GPC6: variants seen among roughly 807,000 people sequenced by gnomAD.
GPC6 encodes glypican-6.
GPC6 carries 14 observed loss-of-function variants against 55.2 expected under a neutral mutation model. That is an observed-to-expected ratio of 0.25 (90% CI 0.17 to 0.40). The LOEUF (loss-of-function observed/expected upper bound fraction) is 0.40. Ranked by LOEUF, GPC6 falls within the 10% of genes least tolerant of loss-of-function variation. The pLI is 1.00. For missense variants in GPC6, 641 were observed against 708.5 expected (o/e 0.90, Z 1.08); for synonymous variants, 278 against 259.6 (o/e 1.07, Z -0.68).
intron 3 of GPC6, among the ~76,000 whole-genome samples, chr13:93,949,488 G>T (rs911655176): frequency 5.3e-5 from 8 of 152,062 alleles, no homozygotes; most frequent in Non-Finnish European, 1.0e-4. Flanking sequence ...GGATCCCCAA[G>T]TTCACAATAA....
At chr13:93,511,635 T>A (rs1880979305) in intron 1 of GPC6, among the ~76,000 whole-genome samples, 3 of 152,082 alleles carry the variant, frequency 2.0e-5, no homozygotes, top group South Asian at 4.1e-4. Flanking sequence ...TTCTTTTTGC[T>A]AAGGATTGCT....
At chr13:93,357,930 G>A (rs1880908401) in intron 1 of GPC6, among the ~76,000 whole-genome samples, 3 of 152,208 alleles carry the variant, frequency 2.0e-5, no homozygotes, top group Admixed American at 1.3e-4. Context: ...TTATGCATGT[G>A]TATCTTTGAA....
At chr13:94,266,118 T>C (rs1334817697) in intron 4 of GPC6, among the ~76,000 whole-genome samples, 6 of 151,720 alleles carry the variant, frequency 4.0e-5, no homozygotes, top group Non-Finnish European at 7.4e-5. Flanking sequence ...TGTCTCCTTG[T>C]TTTCTCGTTT....
intron 1 of GPC6, among the ~76,000 whole-genome samples, chr13:93,382,583 G>A (rs1308746443): frequency 1.3e-5 from 2 of 152,226 alleles, no homozygotes; most frequent in African/African-American, 4.8e-5. Context: ...CTAAGGAAAA[G>A]GAAATATCTG....
intron 6 of GPC6, among the ~76,000 whole-genome samples, chr13:94,335,057 A>C (rs1389247462): frequency 1.3e-5 from 2 of 152,190 alleles, no homozygotes; most frequent in Admixed American, 6.5e-5. Flanking sequence ...CATGACTCTC[A>C]GTCCAGGAGT....
intron 1 of GPC6, among the ~76,000 whole-genome samples, chr13:93,359,496 A>G (rs574878858): frequency 6.9e-4 from 105 of 152,312 alleles, no homozygotes; most frequent in African/African-American, 2.5e-3. Flanking sequence ...AAATAAAATT[A>G]TATATGTATA....
Position 94,161,777 on chromosome 13 carries a change from A to G in GPC6, c.878-124572A>G, listed in dbSNP as rs75266870. 3.4e-4 allele frequency among the ~76,000 whole-genome samples: 52 copies of G among 152,292 alleles called. No homozygotes were observed. The East Asian group carries it at 7.1e-3, about 21-fold the overall frequency. ...CTGGCTTTCATAATTGTATTAGTCC[A>G]TTTTCACACTGCTGATAAACGCATA... On this transcript the variant is annotated intron_variant, in intron 4 of 8. Coordinates refer to ENST00000377047, the MANE Select transcript of GPC6 (RefSeq NM_005708.5).
chr13:93,575,565 G>A (rs1010112952), intron 2 of GPC6, among the ~76,000 whole-genome samples: 1 of 152,112 alleles, frequency 6.6e-6, no homozygotes, highest in African/African-American at 2.4e-5. Flanking sequence ...CTTTGAAAAT[G>A]ACTGTATTAA....
Position 93,846,737 on chromosome 13 carries a change from C to T in GPC6, c.711+16192C>T, listed in dbSNP as rs548064752. Reference sequence around the variant, plus strand: ...ACTGAGGCAGAAGAATCACTTGAACCGGGGAGACGGAGGTTGCAGTGAGCT... The same window carrying T: ...ACTGAGGCAGAAGAATCACTTGAACTGGGGAGACGGAGGTTGCAGTGAGCT... On this transcript the variant is annotated intron_variant, in intron 3 of 8. Transcript: ENST00000377047. 2.0e-4 allele frequency among the ~76,000 whole-genome samples: 31 copies of T among 152,146 alleles called. No individual in the cohort carries two copies. In the South Asian group the frequency reaches 3.3e-3, roughly 16 times the overall value.
At chr13:94,368,447 A>G (rs1466169049) in intron 6 of GPC6, among the ~76,000 whole-genome samples, 2 of 152,202 alleles carry the variant, frequency 1.3e-5, no homozygotes, top group African/African-American at 2.4e-5. Context: ...TCCACCAAGC[A>G]TTACAAAACC....
chr13:93,949,501 G>A (rs780056715), intron 3 of GPC6, among the ~76,000 whole-genome samples: 4 of 152,112 alleles, frequency 2.6e-5, no homozygotes, highest in Non-Finnish European at 4.4e-5. Flanking sequence ...CACAATAAAT[G>A]TGTATATTAT....
chr13:93,537,587 T>G (rs879377480), intron 1 of GPC6, among the ~76,000 whole-genome samples: 1 of 152,112 alleles, frequency 6.6e-6, no homozygotes, highest in Non-Finnish European at 1.5e-5. Flanking sequence ...GAAATTATAA[T>G]AGTAAAGAAA....
chr13:93,893,094 T>G (rs1737988009), intron 3 of GPC6, among the ~76,000 whole-genome samples: 1 of 150,496 alleles, frequency 6.6e-6, no homozygotes, highest in African/African-American at 2.5e-5. Context: ...AGTTTTTCTC[T>G]CATCGCCCAG....
At chr13:94,166,084 T>C (rs1395215327) in intron 4 of GPC6, among the ~76,000 whole-genome samples, 1 of 152,134 alleles carries the variant, frequency 6.6e-6, no homozygotes, top group Non-Finnish European at 1.5e-5. Flanking sequence ...GCAAGCAAAA[T>C]TGATGTGAAT....
chr13:93,739,835 A>C (rs1455413014), intron 2 of GPC6, among the ~76,000 whole-genome samples: 1 of 152,222 alleles, frequency 6.6e-6, no homozygotes, highest in Non-Finnish European at 1.5e-5. Context: ...TGAAATTTAT[A>C]GTCTAATGAG....
At chr13:93,357,819 C>T (rs1208299455) in intron 1 of GPC6, among the ~76,000 whole-genome samples, 1 of 151,742 alleles carries the variant, frequency 6.6e-6, no homozygotes, top group African/African-American at 2.4e-5. Context: ...TGGGCAACAG[C>T]CTGCCTCCAA....
intron 3 of GPC6, among the ~76,000 whole-genome samples, chr13:93,841,481 AT>A (rs1324275339): frequency 6.6e-6 from 1 of 152,154 alleles, no homozygotes; most frequent in Admixed American, 6.6e-5. Flanking sequence ...CACAAACACA[AT>A]GGGTCAATCT....
chr13:93,531,778 A>G (rs1881877331), intron 1 of GPC6, among the ~76,000 whole-genome samples: 1 of 152,216 alleles, frequency 6.6e-6, no homozygotes, highest in Non-Finnish European at 1.5e-5. Flanking sequence ...CATAATACAT[A>G]TACGTTGTAA....
At chr13:94,047,963 TCA>T (rs1883790747) in intron 4 of GPC6, among the ~76,000 whole-genome samples, 1 of 152,038 alleles carries the variant, frequency 6.6e-6, no homozygotes, top group African/African-American at 2.4e-5. Flanking sequence ...CAGATTTATT[TCA>T]CACACAAAGG....
Sources: allele counts gnomAD v4.1 joint callset (sites outside exome capture counted in the v4.1 genomes callset), GRCh38; gene constraint gnomAD v4.1.1; transcripts MANE v1.5; gene names NCBI Gene and HGNC (gene_info 2026-07-23, HGNC 2026-07-21).